The following CC2D2A variants were observed in gnomAD, a reference collection of about 807,000 sequenced individuals.
CC2D2A encodes coiled-coil and C2 domain containing 2A.
A neutral mutation model predicts 212.9 loss-of-function variants in CC2D2A; 155 were observed. That is an observed-to-expected ratio of 0.73 (90% CI 0.64 to 0.83). The LOEUF (loss-of-function observed/expected upper bound fraction) is 0.83. Among genes scored for constraint, CC2D2A ranks in the 40% least tolerant of loss-of-function variants. The pLI is 0.00. For missense variants in CC2D2A, 1,856 were observed against 1,956.2 expected (o/e 0.95, Z 0.97); for synonymous variants, 667 against 686.5 (o/e 0.97, Z 0.44).
intron 4 of CC2D2A, 41 bp from the exon 5 acceptor site, chr4:15,502,388 T>TTTTTC (rs1266187860): frequency 1.3e-4 from 153 of 1,211,180 alleles, no homozygotes; most frequent in Admixed American, 3.7e-4. Context: ...TTTCTTTTTC[T>TTTTTC]TTTTTTTTTA....
At chr4:15,573,352 G>A (rs190138830) in intron 28 of CC2D2A, among the ~76,000 whole-genome samples, 8 of 151,438 alleles carry the variant, frequency 5.3e-5, no homozygotes, top group African/African-American at 1.2e-4. Context: ...GTGCAGTGGC[G>A]CCATCTCGGC....
chr4:15,512,951 CA>C (rs71649912), intron 8 of CC2D2A, among the ~76,000 whole-genome samples: 58,095 of 129,298 alleles, frequency 0.45, 12,024 homozygotes, highest in East Asian at 0.69. Flanking sequence ...GACTCTGTCT[CA>C]AAAAAAAAAA....
intron 30 of CC2D2A, among the ~76,000 whole-genome samples, 181 bp downstream of exon 30, chr4:15,580,352 G>A (rs1004758722): frequency 6.6e-6 from 1 of 152,166 alleles, no homozygotes; most frequent in Non-Finnish European, 1.5e-5. Flanking sequence ...AGAAAAGTCT[G>A]AAGGCAGCCA....
chr4:15,524,672 C>T (rs540828157), intron 11 of CC2D2A, among the ~76,000 whole-genome samples: 28 of 143,286 alleles, frequency 2.0e-4, no homozygotes, highest in African/African-American at 7.3e-4. Context: ...AGGATGGTCT[C>T]GATCTCCTGA....
chr4:15,529,390 A>AG (rs902276366), intron 13 of CC2D2A, among the ~76,000 whole-genome samples: 26 of 152,196 alleles, frequency 1.7e-4, no homozygotes, highest in African/African-American at 5.8e-4. Flanking sequence ...TCAAAAAAAA[A>AG]AAAAGAAAAA....
chr4:15,484,243 C>T (rs1714868869), intron 4 of CC2D2A, among the ~76,000 whole-genome samples: 1 of 152,104 alleles, frequency 6.6e-6, no homozygotes, highest in African/African-American at 2.4e-5. Flanking sequence ...ATGTTCCAGG[C>T]AGTGGTCTTA....
intron 30 of CC2D2A, among the ~76,000 whole-genome samples, chr4:15,585,855 T>G (rs1359098272): frequency 6.6e-6 from 1 of 152,032 alleles, no homozygotes; most frequent in African/African-American, 2.4e-5. Context: ...CAAGTGAAAA[T>G]GCAAGATGAT....
intron 11 of CC2D2A, among the ~76,000 whole-genome samples, chr4:15,522,842 G>A (rs376823819): frequency 7.9e-5 from 12 of 152,026 alleles, no homozygotes; most frequent in Admixed American, 3.9e-4. Context: ...AAGCAGGCCC[G>A]GCGCAGTGGC....
At chr4:15,512,494 T>C (rs918787508) in intron 8 of CC2D2A, among the ~76,000 whole-genome samples, 27 of 152,162 alleles carry the variant, frequency 1.8e-4, no homozygotes, top group African/African-American at 4.8e-4. Flanking sequence ...ATGAGCTACA[T>C]TGTATCATCA....
rs33940641 is a variant in CC2D2A, at chr4:15,589,784, A to AATAT, written c.4314+117_4314+120dup. The AATAT allele has an allele frequency of 0.2, 56,053 of 286,674 alleles. 5,406 individuals carry two copies. The highest frequency in any genetic ancestry group is 0.28 in the Admixed American group (5,089 of 18,128). 17.8% of individuals were successfully genotyped at this position (286,674 alleles called of 1,614,324 possible). On this transcript the variant is annotated intron_variant, in intron 33 of 36. Coordinates refer to ENST00000424120, the MANE Select transcript of CC2D2A (RefSeq NM_001378615.1). ...TGTAACCAAAATATTTATATAAATG[A>AATAT]ATATATATATATATACACACATATA...
intron 17 of CC2D2A, among the ~76,000 whole-genome samples, chr4:15,550,517 T>A (rs1410563480): frequency 2.0e-5 from 3 of 152,180 alleles, no homozygotes; most frequent in Non-Finnish European, 4.4e-5. Context: ...AGGAGGCCCA[T>A]TCTCCTAGCA....
intron 29 of CC2D2A, among the ~76,000 whole-genome samples, chr4:15,577,560 G>A (rs531498961): frequency 2.5e-4 from 38 of 152,136 alleles, no homozygotes; most frequent in South Asian, 8.3e-4. Flanking sequence ...GCATCTTGGT[G>A]GCCTAGACAA....
At chr4:15,499,897 T>G (rs972131180) in intron 4 of CC2D2A, among the ~76,000 whole-genome samples, 4 of 150,036 alleles carry the variant, frequency 2.7e-5, no homozygotes, top group Non-Finnish European at 5.9e-5. Flanking sequence ...ACAGTGTGCC[T>G]TCCCTGCGTG....
intron 31 of CC2D2A, 100 bp downstream of exon 31, chr4:15,586,346 T>C (rs1720856083): frequency 1.2e-5 from 8 of 681,472 alleles, no homozygotes; most frequent in Non-Finnish European, 1.6e-5. Context: ...TCATTAGCCA[T>C]AAAAATCTAA....
chr4:15,551,652 T>C lies in CC2D2A; in HGVS notation c.2338+672T>C, dbSNP rs143626694. On this transcript the variant is annotated intron_variant, in intron 18 of 36. Coordinates refer to ENST00000424120, the MANE Select transcript of CC2D2A (RefSeq NM_001378615.1). The stretch of plus-strand genomic sequence containing the variant: ...TTCTTTCCCAATCAGTGTGGTCAGT[T>C]CTGACAGCTTTTTTTCCTTTCCTCA... Among the ~76,000 whole-genome samples the C allele has an allele frequency of 2.6e-4, 40 of 152,320 alleles. No individual in the cohort carries two copies. The East Asian group carries it at 6.4e-3, about 24-fold the overall frequency.
chr4:15,527,479 G>C lies in CC2D2A; in HGVS notation c.1182G>C (p.Val394=), dbSNP rs762415141. 6.2e-7 allele frequency: 1 copy of C among 1,613,560 alleles called. No homozygotes were observed. Among genetic ancestry groups the C allele is most frequent in the East Asian group, 2.2e-5 (1 of 44,882 alleles). The change falls in exon 12 of 37, where the codon GTG becomes GTC. Residue 394 remains valine, a synonymous_variant. Coordinates refer to ENST00000424120, the MANE Select transcript of CC2D2A (RefSeq NM_001378615.1). The part of the protein sequence containing the change: ...AVKYVHSSQH[V]IRSGDPPGNF... ...AATACGTTCACAGTAGTCAGCATGTGATCAGATCTGGAGACCCTCCTGGAA... is the reference window on the plus strand; with the variant it reads ...AATACGTTCACAGTAGTCAGCATGTCATCAGATCTGGAGACCCTCCTGGAA...
At chr4:15,556,953 C>A (rs1043336027) in intron 20 of CC2D2A, among the ~76,000 whole-genome samples, 1 of 152,174 alleles carries the variant, frequency 6.6e-6, no homozygotes, top group Non-Finnish European at 1.5e-5. Context: ...ATTTTATATA[C>A]GATATGTATA....
At chr4:15,530,145 G>A (rs894553601) in intron 13 of CC2D2A, among the ~76,000 whole-genome samples, 5 of 151,866 alleles carry the variant, frequency 3.3e-5, no homozygotes, top group African/African-American at 7.2e-5. Flanking sequence ...CTAATTTTTT[G>A]TATTTTTAGT....
intron 4 of CC2D2A, among the ~76,000 whole-genome samples, chr4:15,492,501 TTTG>T (rs1715361239): frequency 2.0e-5 from 3 of 149,602 alleles, no homozygotes; most frequent in Non-Finnish European, 4.4e-5. Flanking sequence ...CTTTTTTTTG[TTTG>T]TTTGTTTGGT....
Sources: allele counts gnomAD v4.1 joint callset (sites outside exome capture counted in the v4.1 genomes callset), GRCh38; gene constraint gnomAD v4.1.1; transcripts MANE v1.5; gene names NCBI Gene and HGNC (gene_info 2026-07-23, HGNC 2026-07-21).